Variants in LAMA2 observed in about 807,000 individuals in gnomAD.
The protein encoded by LAMA2 is laminin subunit alpha-2.
Under a neutral mutation model 364.8 loss-of-function variants are expected in LAMA2, and 269 were observed. The ratio of observed to expected loss-of-function variants is 0.74; its 90% CI spans 0.67 to 0.82. LAMA2 has a LOEUF of 0.82. Among genes scored for constraint, LAMA2 ranks in the 40% least tolerant of loss-of-function variants. The pLI, the probability that LAMA2 is intolerant of heterozygous loss-of-function variation, is 0.00. For missense variants in LAMA2, 3,807 were observed against 3,873.2 expected (o/e 0.98, Z 0.45); for synonymous variants, 1,379 against 1,370.6 (o/e 1.01, Z -0.14).
chr6:129,234,934 A>C (rs1784889307), intron 12 of LAMA2, among the ~76,000 whole-genome samples: 1 of 152,172 alleles, frequency 6.6e-6, no homozygotes, highest in South Asian at 2.1e-4. Flanking sequence ...TTTTTGAGTG[A>C]ATGAAATCTA....
At chr6:129,475,642 T>C (rs193151478) in intron 53 of LAMA2, among the ~76,000 whole-genome samples, 1 of 152,060 alleles carries the variant, frequency 6.6e-6, no homozygotes, top group Non-Finnish European at 1.5e-5. Context: ...AGTGATGAGA[T>C]TTGCTCTGCT....
chr6:129,158,454 G>C, intron 8 of LAMA2: 1 of 1,613,994 alleles, frequency 6.2e-7, no homozygotes, highest in Non-Finnish European at 8.5e-7. Flanking sequence ...AACCAATAAA[G>C]GTAGTCCAGA....
rs752371766 is a variant in LAMA2 at position 129,440,887 on chromosome 6, G to A, written c.6157G>A (p.Ala2053Thr). 1.2e-6 allele frequency: 2 copies of A among 1,613,914 alleles called. No individual in the cohort carries two copies. The highest frequency in any genetic ancestry group is 1.7e-6 in the Non-Finnish European group (2 of 1,179,838). The change falls in exon 43 of 65, where the codon GCA becomes ACA. Residue 2053 changes from alanine to threonine, a missense_variant. Around this residue, in one of 3 missense-constraint regions of LAMA2, gnomAD observed 3,333 missense variants for 3,345.7 expected, o/e 1.00. Coordinates refer to ENST00000421865, the MANE Select transcript of LAMA2 (RefSeq NM_000426.4). ...CAACGACACAGCTAAAGATGTACTG[G>A]CACAGATTACAGAGCTCCACCAGAA... is the stretch of plus-strand genomic sequence containing the variant. The part of the protein sequence containing the change: ...QANDTAKDVL[A>T]QITELHQNLD...
intron 4 of LAMA2, among the ~76,000 whole-genome samples, chr6:129,130,801 TTTTA>T (rs1583098870): frequency 6.6e-6 from 1 of 152,154 alleles, no homozygotes; most frequent in East Asian, 1.9e-4. Context: ...ACAGGTGCCA[TTTTA>T]TAAACTATCT....
intron 1 of LAMA2, among the ~76,000 whole-genome samples, chr6:129,047,625 A>G (rs1787616503): frequency 6.6e-6 from 1 of 152,232 alleles, no homozygotes; most frequent in African/African-American, 2.4e-5. Context: ...GGAGATCTTA[A>G]GAATGACTGA....
chr6:128,944,251 A>AGGG (rs1780358098), intron 1 of LAMA2, among the ~76,000 whole-genome samples: 2 of 152,192 alleles, frequency 1.3e-5, no homozygotes, highest in Non-Finnish European at 2.9e-5. Flanking sequence ...GATTAAATGA[A>AGGG]TTAATTTTGG....
chr6:129,312,524 A>G (rs1041718112), intron 22 of LAMA2, among the ~76,000 whole-genome samples: 5 of 152,252 alleles, frequency 3.3e-5, no homozygotes, highest in Non-Finnish European at 5.9e-5. Flanking sequence ...AATAAGGTAA[A>G]ATAACTTTGT....
At chr6:129,254,631 T>C (rs1786503254) in intron 14 of LAMA2, among the ~76,000 whole-genome samples, 1 of 152,228 alleles carries the variant, frequency 6.6e-6, no homozygotes, top group Admixed American at 6.5e-5. Flanking sequence ...GTTCTTACTA[T>C]CATTTTTATC....
At chr6:129,238,574 TGTGAGAGAGA>T (rs1220356578) in intron 12 of LAMA2, among the ~76,000 whole-genome samples, 21 of 141,174 alleles carry the variant, frequency 1.5e-4, no homozygotes, top group Middle Eastern at 3.6e-3. Context: ...TGTGTGTGTG[TGTGAGAGAGA>T]GAGAGAGAGA....
chr6:128,951,307 A>G (rs73773589), intron 1 of LAMA2, among the ~76,000 whole-genome samples: 2,518 of 152,264 alleles, frequency 0.017, 83 homozygotes, highest in African/African-American at 0.058. Flanking sequence ...GGTAACAGGT[A>G]TAAGTGCCTG....
chr6:129,245,642 A>AT (rs1192829976), intron 12 of LAMA2, among the ~76,000 whole-genome samples: 1 of 152,114 alleles, frequency 6.6e-6, no homozygotes, highest in Admixed American at 6.6e-5. Context: ...TAATGGATGA[A>AT]TTTTTTTATA....
chr6:129,459,674 T>C (rs2114800118), intron 48 of LAMA2, among the ~76,000 whole-genome samples: 1 of 152,170 alleles, frequency 6.6e-6, no homozygotes, highest in South Asian at 2.1e-4. Flanking sequence ...AAAAATCTCT[T>C]CTATGTCATC....
chr6:129,294,154 G>C (rs765330204), intron 20 of LAMA2, among the ~76,000 whole-genome samples: 1 of 152,170 alleles, frequency 6.6e-6, no homozygotes, highest in African/African-American at 2.4e-5. Context: ...GCCTTGTTTG[G>C]TGCATTTTGT....
At chr6:129,313,302 A>C (rs1005011479) in intron 23 of LAMA2, among the ~76,000 whole-genome samples, 2 of 152,208 alleles carry the variant, frequency 1.3e-5, no homozygotes, top group Admixed American at 1.3e-4. Context: ...GCTTATTTTC[A>C]ACCCAAACCC....
chr6:129,115,131 G>A (rs1776395041), intron 4 of LAMA2, among the ~76,000 whole-genome samples: 1 of 151,884 alleles, frequency 6.6e-6, no homozygotes, highest in East Asian at 1.9e-4. Context: ...GAAGCAAAAT[G>A]TTACAGAGAC....
chr6:129,418,110 C>T (rs1363243416), intron 40 of LAMA2, among the ~76,000 whole-genome samples: 1 of 152,124 alleles, frequency 6.6e-6, no homozygotes, highest in Non-Finnish European at 1.5e-5. Flanking sequence ...ATTACTGAGA[C>T]CCTCTTGCTC....
chr6:129,479,667 C>T (rs1428342137), intron 54 of LAMA2: 2 of 152,092 alleles, frequency 1.3e-5, no homozygotes, highest in Non-Finnish European at 2.9e-5. Context: ...TTCATTTTGT[C>T]TGCTGCTTCT....
intron 31 of LAMA2, among the ~76,000 whole-genome samples, chr6:129,350,355 T>C (rs976226362): frequency 6.6e-6 from 1 of 152,210 alleles, no homozygotes; most frequent in Non-Finnish European, 1.5e-5. Flanking sequence ...ACACTAATAT[T>C]GTGACAATAA....
chr6:129,405,397 G>C (rs1348210209), intron 40 of LAMA2, among the ~76,000 whole-genome samples: 1 of 151,996 alleles, frequency 6.6e-6, no homozygotes, highest in East Asian at 1.9e-4. Flanking sequence ...AATACCTTTA[G>C]GAAAAATCAT....
Sources: gnomAD v4.1 joint callset for allele counts (sites outside exome capture counted in the v4.1 genomes callset) on GRCh38, gnomAD v4.1.1 for gene constraint, gnomAD v4.1.1 regional missense constraint, MANE v1.5 for transcripts, NCBI Gene and HGNC (gene_info 2026-07-23, HGNC 2026-07-21) for gene names.